Variants in GALNTL6 observed in about 807,000 individuals in gnomAD.
The protein encoded by GALNTL6 is polypeptide N-acetylgalactosaminyltransferase like 6, also known as polypeptide N-acetylgalactosaminyltransferase-like 6.
A neutral mutation model predicts 73.7 loss-of-function variants in GALNTL6; 46 were observed. The ratio of observed to expected loss-of-function variants is 0.62; its 90% confidence interval spans 0.49 to 0.80. GALNTL6 has a LOEUF of 0.80. Among genes scored for constraint, GALNTL6 ranks in the 30% least tolerant of loss-of-function variants. GALNTL6 has a pLI of 0.00. For missense variants in GALNTL6, 604 were observed against 755.0 expected, an observed-to-expected ratio of 0.80 and a Z score of 2.34; for synonymous variants, 259 against 263.7, an observed-to-expected ratio of 0.98 and a Z score of 0.17.
intron 2 of GALNTL6, among the ~76,000 whole-genome samples, chr4:172,159,931 T>C (rs2110787761): frequency 6.6e-6 from 1 of 152,146 alleles, no homozygotes; most frequent in African/African-American, 2.4e-5. Flanking sequence ...GCAGAAGTGA[T>C]GGGTAGAGGT....
At chr4:172,335,158 G>C (rs1014385459) in intron 4 of GALNTL6, among the ~76,000 whole-genome samples, 5 of 152,002 alleles carry the variant, frequency 3.3e-5, no homozygotes, top group Admixed American at 6.6e-5. Flanking sequence ...GTGTTAGCCA[G>C]GAGGGTCTCC....
chr4:172,054,649 A>C (rs557251938), intron 2 of GALNTL6, among the ~76,000 whole-genome samples: 1 of 152,156 alleles, frequency 6.6e-6, no homozygotes, highest in Non-Finnish European at 1.5e-5. Context: ...CCACTTCTCA[A>C]AATCTTCATC....
intron 5 of GALNTL6, among the ~76,000 whole-genome samples, chr4:172,607,356 C>A (rs1014674497): frequency 1.3e-5 from 2 of 152,106 alleles, no homozygotes; most frequent in African/African-American, 4.8e-5. Flanking sequence ...CATGTGTACT[C>A]AATGTTTAGC....
intron 5 of GALNTL6, among the ~76,000 whole-genome samples, chr4:172,725,857 A>T (rs34364219): frequency 0.31 from 47,541 of 152,142 alleles, 8,072 homozygotes; most frequent in Middle Eastern, 0.46. Context: ...TAAAATACGT[A>T]CTCTGATAGA....
At chr4:171,851,644 A>G (rs934537759) in intron 2 of GALNTL6, among the ~76,000 whole-genome samples, 20 of 152,182 alleles carry the variant, frequency 1.3e-4, no homozygotes, top group African/African-American at 4.8e-4. Flanking sequence ...TAGAATTAAC[A>G]CAGAAAAAAA....
At chr4:172,072,556 A>T (rs1296246262) in intron 2 of GALNTL6, among the ~76,000 whole-genome samples, 1 of 152,168 alleles carries the variant, frequency 6.6e-6, no homozygotes, top group Non-Finnish European at 1.5e-5. Flanking sequence ...CTAGGATTTC[A>T]CAGAACTATT....
In GALNTL6 at chr4:172,716,775, G is replaced by C. The variant is rs571900963; in HGVS notation, c.554-92586G>C. Among the ~76,000 whole-genome samples the C allele has an allele frequency of 5.9e-5, 9 of 152,338 alleles. No individual in the cohort carries two copies. The East Asian group carries it at 1.5e-3, about 26-fold the overall frequency. ...TACAAGTCAAAAATTATTTGAAAGA[G>C]AAGTAGCCATCGCTACTGGTTTAGT... On this transcript the variant is annotated intron_variant, in intron 5 of 12. Transcript: ENST00000506823.
chr4:172,025,720 T>G (rs949289941), intron 2 of GALNTL6, among the ~76,000 whole-genome samples: 18 of 152,012 alleles, frequency 1.2e-4, no homozygotes, highest in African/African-American at 4.3e-4. Flanking sequence ...TATTACCTTT[T>G]TATTGGGCTT....
chr4:171,893,704 G>C (rs928730585), intron 2 of GALNTL6, among the ~76,000 whole-genome samples: 1 of 152,080 alleles, frequency 6.6e-6, no homozygotes, highest in Non-Finnish European at 1.5e-5. Context: ...TTAAGAACTC[G>C]TAAGTTTAAA....
intron 5 of GALNTL6, among the ~76,000 whole-genome samples, chr4:172,456,504 T>C (rs981329405): frequency 6.6e-6 from 1 of 151,360 alleles, no homozygotes; most frequent in Non-Finnish European, 1.5e-5. Flanking sequence ...GAGAAGAACA[T>C]AAATGACCTG....
chr4:172,880,976 A>G (rs952092548), intron 7 of GALNTL6, among the ~76,000 whole-genome samples: 1 of 152,178 alleles, frequency 6.6e-6, no homozygotes, highest in Non-Finnish European at 1.5e-5. Flanking sequence ...CACTGTATCT[A>G]TGGTGGTTCT....
At chr4:171,843,384 T>G (rs1735290949) in intron 2 of GALNTL6, among the ~76,000 whole-genome samples, 1 of 152,122 alleles carries the variant, frequency 6.6e-6, no homozygotes, top group Non-Finnish European at 1.5e-5. Flanking sequence ...GTTATTGATA[T>G]GGTGACAATG....
intron 5 of GALNTL6, among the ~76,000 whole-genome samples, chr4:172,735,618 A>T (rs1736414241): frequency 6.6e-6 from 1 of 152,146 alleles, no homozygotes; most frequent in Non-Finnish European, 1.5e-5. Flanking sequence ...ATGTAAGGAC[A>T]TGAGATTTGG....
chr4:172,502,118 C>T (rs1447846911), intron 5 of GALNTL6, among the ~76,000 whole-genome samples: 1 of 152,144 alleles, frequency 6.6e-6, no homozygotes, highest in Non-Finnish European at 1.5e-5. Context: ...CTCCTTCCAG[C>T]TATTTACACT....
intron 5 of GALNTL6, among the ~76,000 whole-genome samples, chr4:172,579,444 T>C (rs1737084928): frequency 6.6e-6 from 1 of 152,170 alleles, no homozygotes; most frequent in South Asian, 2.1e-4. Flanking sequence ...GCCTTCCACA[T>C]AGTAAGACTC....
intron 3 of GALNTL6, among the ~76,000 whole-genome samples, chr4:172,255,813 T>C (rs1487734078): frequency 6.6e-6 from 1 of 151,308 alleles, no homozygotes. Flanking sequence ...AAATCATAAA[T>C]ATACTATATA....
intron 5 of GALNTL6, among the ~76,000 whole-genome samples, chr4:172,779,667 A>G (rs1475188544): frequency 6.6e-6 from 1 of 152,258 alleles, no homozygotes; most frequent in Non-Finnish European, 1.5e-5. Flanking sequence ...TACTGTAGAC[A>G]GACTCATAGT....
At chr4:173,005,186 C>G (rs114146325) in intron 10 of GALNTL6, among the ~76,000 whole-genome samples, 1 of 152,160 alleles carries the variant, frequency 6.6e-6, no homozygotes, top group African/African-American at 2.4e-5. Context: ...TTGATCCTTG[C>G]CCAAAAGGAG....
Position 172,455,619 on chromosome 4 carries a change from C to T in GALNTL6, c.553+106930C>T, listed in dbSNP as rs550511477. Among the ~76,000 whole-genome samples, 11 of 152,258 alleles carry T rather than the reference C, an allele frequency of 7.2e-5. No homozygotes were observed. The East Asian group carries it at 1.5e-3, about 21-fold the overall frequency. ...AGTTTGGACTGTGTGGAGCCCACCGCGTCTCGGCAAAACCACTGTAGCCAG... is the reference window on the plus strand; with the variant it reads ...AGTTTGGACTGTGTGGAGCCCACCGTGTCTCGGCAAAACCACTGTAGCCAG... On this transcript the variant is annotated intron_variant, in intron 5 of 12. Transcript: ENST00000506823.
Sources: allele counts gnomAD v4.1 joint callset (sites outside exome capture counted in the v4.1 genomes callset), GRCh38; gene constraint gnomAD v4.1.1; transcripts MANE v1.5; gene names NCBI Gene and HGNC (gene_info 2026-07-23, HGNC 2026-07-21).